BTBD9: variants seen among roughly 807,000 people sequenced by gnomAD.
The protein encoded by BTBD9 is BTB domain containing 9.
A neutral mutation model predicts 64.3 loss-of-function variants in BTBD9; 49 were observed. The observed-to-expected ratio is 0.76, with a 90% CI of 0.61 to 0.97. The LOEUF is 0.97. Ranked by LOEUF, BTBD9 falls within the 50% of genes least tolerant of loss-of-function variation. BTBD9 has a pLI of 0.00. For synonymous variants in BTBD9, 260 were observed against 274.7 expected, an observed-to-expected ratio of 0.95 and a Z score of 0.53; for missense variants, 598 against 762.1, an observed-to-expected ratio of 0.78 and a Z score of 2.53.
intron 6 of BTBD9, among the ~76,000 whole-genome samples, chr6:38,476,079 G>A (rs1770866444): frequency 6.6e-6 from 1 of 152,094 alleles, no homozygotes; most frequent in Non-Finnish European, 1.5e-5. Flanking sequence ...TTAATTTGGG[G>A]TTGCCATTGT....
At chr6:38,420,465 C>A (rs948820678) in intron 6 of BTBD9, among the ~76,000 whole-genome samples, 1 of 152,096 alleles carries the variant, frequency 6.6e-6, no homozygotes, top group African/African-American at 2.4e-5. Flanking sequence ...CTTGTTAAAT[C>A]CATATCCAAC....
At chr6:38,289,742 T>A (rs991352886) in intron 7 of BTBD9, among the ~76,000 whole-genome samples, 2 of 152,176 alleles carry the variant, frequency 1.3e-5, no homozygotes, top group Admixed American at 1.3e-4. Flanking sequence ...TGTTCTGATT[T>A]TGAGTCTCTC....
Position 38,426,342 on chromosome 6 carries a change from C to T in BTBD9, c.1155-81249G>A, listed in dbSNP as rs553705425. Reference sequence around the variant, plus strand: ...GCCAATCATCTATTGCCTGACAGCACGGCGGGAGGGACAAGGATCGGGATA... The same window carrying T: ...GCCAATCATCTATTGCCTGACAGCATGGCGGGAGGGACAAGGATCGGGATA... On this transcript the variant is annotated intron_variant, in intron 6 of 10. Coordinates refer to ENST00000481247, the MANE Select transcript of BTBD9 (RefSeq NM_001099272.2). 2.6e-4 allele frequency among the ~76,000 whole-genome samples: 39 copies of T among 152,072 alleles called. 1 individual carries two copies. The highest frequency in any genetic ancestry group is 2.2e-3 in the Admixed American group (33 of 15,290).
At chr6:38,207,285 T>C in intron 9 of BTBD9, 1 of 242,702 alleles carries the variant, frequency 4.1e-6, no homozygotes, top group Non-Finnish European at 8.8e-6. Context: ...GTCAATGATG[T>C]AATGGCATGT....
intron 6 of BTBD9, among the ~76,000 whole-genome samples, chr6:38,388,135 G>C (rs991309552): frequency 4.0e-5 from 6 of 151,018 alleles, no homozygotes; most frequent in African/African-American, 1.5e-4. Context: ...TCTTGCTCAA[G>C]AGACATCTGT....
At chr6:38,581,993 G>C (rs13196530) in intron 4 of BTBD9, among the ~76,000 whole-genome samples, 2 of 152,058 alleles carry the variant, frequency 1.3e-5, no homozygotes, top group African/African-American at 4.8e-5. Context: ...ATTTGAATAC[G>C]GGAAAGTCTG....
intron 9 of BTBD9, among the ~76,000 whole-genome samples, chr6:38,244,182 C>T (rs1764104165): frequency 2.0e-5 from 3 of 152,166 alleles, no homozygotes; most frequent in Non-Finnish European, 2.9e-5. Flanking sequence ...GCTCAGTTTG[C>T]TTACCTACCT....
intron 9 of BTBD9, among the ~76,000 whole-genome samples, chr6:38,240,664 T>A (rs1455994281): frequency 6.6e-6 from 1 of 152,216 alleles, no homozygotes; most frequent in Non-Finnish European, 1.5e-5. Context: ...TAAAGTTAAT[T>A]AATATTAATG....
At chr6:38,329,324 T>TC (rs1763583695) in intron 7 of BTBD9, among the ~76,000 whole-genome samples, 1 of 115,200 alleles carries the variant, frequency 8.7e-6, no homozygotes, top group African/African-American at 4.3e-5. Flanking sequence ...CTTTTTTTCC[T>TC]TTTTTTTTTT....
Position 38,580,435 on chromosome 6 carries a change from G to T in BTBD9, c.817C>A (p.Pro273Thr). ...MDLNYRGMLI[P>T]EENIATMKYG... ...TTCATAGTTGCAATGTTTTCTTCTG[G>T]TACTACAGTTAAAAATAGAAAAAGC... The change falls in exon 5 of 11, where the codon CCA becomes ACA. Residue 273 changes from proline to threonine, a missense_variant and splice_region_variant. Physicochemically the swap from Pro to Thr is conservative, Grantham distance 38 (BLOSUM62 -1). Coordinates refer to ENST00000481247, the MANE Select transcript of BTBD9 (RefSeq NM_001099272.2). 6.2e-7 allele frequency: 1 copy of T among 1,611,184 alleles called. No individual in the cohort carries two copies. The highest frequency in any genetic ancestry group is 8.5e-7 in the Non-Finnish European group (1 of 1,178,190).
rs375475985 is a variant in BTBD9 at position 38,555,456 on chromosome 6, T to C, written c.1154+22144A>G. Among the ~76,000 whole-genome samples the C allele has an allele frequency of 1.2e-4, 19 of 152,340 alleles. No homozygotes were observed. The South Asian group carries it at 3.3e-3, about 27-fold the overall frequency. On this transcript the variant is annotated intron_variant, in intron 6 of 10. Transcript: ENST00000481247. The stretch of plus-strand genomic sequence containing the variant: ...AAAAGGGGTTTCATTACATTAAAAA[T>C]TGAGATTAAATGTAAGTATATATTT...
intron 9 of BTBD9, among the ~76,000 whole-genome samples, chr6:38,197,769 T>A (rs1257936109): frequency 6.6e-6 from 1 of 152,146 alleles, no homozygotes; most frequent in Non-Finnish European, 1.5e-5. Flanking sequence ...AAGATCAGTA[T>A]GGAAAAAGAT....
At chr6:38,222,254 G>GTTTTTTTTTTTTTTTTTTTTTTTTTTTT (rs771737210) in intron 9 of BTBD9, among the ~76,000 whole-genome samples, 1 of 96,702 alleles carries the variant, frequency 1.0e-5, no homozygotes, top group Non-Finnish European at 1.9e-5. Flanking sequence ...AATTCATTCA[G>GTTTTTTTTTTTTTTTTTTTTTTTTTTTT]TTGTTTTTTT....
chr6:38,296,216 A>T (rs971608417), intron 7 of BTBD9, among the ~76,000 whole-genome samples: 1 of 151,176 alleles, frequency 6.6e-6, no homozygotes, highest in Non-Finnish European at 1.5e-5. Flanking sequence ...TTTCTTTTAC[A>T]TTGTCATATA....
At chr6:38,625,418 T>A (rs927017807) in intron 1 of BTBD9, among the ~76,000 whole-genome samples, 7 of 152,240 alleles carry the variant, frequency 4.6e-5, no homozygotes, top group Non-Finnish European at 7.3e-5. Flanking sequence ...TGCCCAGGGC[T>A]AGTAACAATT....
chr6:38,292,616 T>C (rs1467069465), intron 7 of BTBD9, among the ~76,000 whole-genome samples: 1 of 152,226 alleles, frequency 6.6e-6, no homozygotes, highest in Non-Finnish European at 1.5e-5. Context: ...GAGGTGTTTA[T>C]AGTATTCTCT....
intron 7 of BTBD9, among the ~76,000 whole-genome samples, chr6:38,296,120 T>C (rs1762150577): frequency 6.6e-6 from 1 of 152,214 alleles, no homozygotes; most frequent in African/African-American, 2.4e-5. Flanking sequence ...CCTTGTGCCT[T>C]TACCATGCTG....
chr6:38,534,812 A>G (rs1773951688), intron 6 of BTBD9, among the ~76,000 whole-genome samples: 1 of 152,142 alleles, frequency 6.6e-6, no homozygotes, highest in Admixed American at 6.5e-5. Context: ...ATTTGATAAA[A>G]TTCAACTCCC....
chr6:38,186,028 G>A (rs1354553857), intron 10 of BTBD9, among the ~76,000 whole-genome samples: 11 of 152,162 alleles, frequency 7.2e-5, no homozygotes, highest in Non-Finnish European at 1.2e-4. Flanking sequence ...CAAGAGCTTC[G>A]TTGGAGAATA....
Sources: gnomAD v4.1 joint callset for allele counts (sites outside exome capture counted in the v4.1 genomes callset) on GRCh38, gnomAD v4.1.1 for gene constraint, MANE v1.5 for transcripts, NCBI Gene and HGNC (gene_info 2026-07-23, HGNC 2026-07-21) for gene names.